FAM24B: variants seen among roughly 807,000 people sequenced by gnomAD.
FAM24B encodes the protein protein FAM24B.
A neutral mutation model predicts 2.3 loss-of-function variants in FAM24B; 3 were observed. That is an observed-to-expected ratio of 1.29 (90% CI 0.59 to 3.32). FAM24B has a LOEUF of 3.32. FAM24B is among the 30% of genes most tolerant of loss of function. The pLI, the probability that FAM24B is intolerant of heterozygous loss-of-function variation, is 0.03. For missense variants in FAM24B, 98 were observed against 117.2 expected, an observed-to-expected ratio of 0.84 and a Z score of 0.76; for synonymous variants, 36 against 46.3, an observed-to-expected ratio of 0.78 and a Z score of 0.90.
In FAM24B at chr10:122,854,327, A is replaced by G. The variant is rs75063922; in HGVS notation, c.-36+1318T>C. 4.4e-3 allele frequency among the ~76,000 whole-genome samples: 668 copies of G among 152,320 alleles called. 6 individuals carry two copies. The highest frequency in any genetic ancestry group is 0.016 in the African/African-American group (652 of 41,570). On this transcript the variant is annotated intron_variant, in intron 2 of 3. Transcript: ENST00000368898. ...TCTGTTTGAAAGATGAGGAAACTAA[A>G]GCTCAGAGAGTGGAAGTGACTCCCT...
chr10:122,871,211 T>C (rs1847893325), intron 1 of FAM24B, among the ~76,000 whole-genome samples: 1 of 151,636 alleles, frequency 6.6e-6, no homozygotes, highest in East Asian at 1.9e-4. Context: ...ATAAAATACC[T>C]AGGAATCCAA....
rs1356941806 is a variant in FAM24B at position 122,869,735 on chromosome 10, A to T, written c.-178+9750T>A. Among the ~76,000 whole-genome samples the T allele has an allele frequency of 2.0e-5, 3 of 152,220 alleles. No individual in the cohort carries two copies. The East Asian group carries it at 5.8e-4, about 29-fold the overall frequency. ...GAAATAAAGAGGTTCTTTGAAACCAACGAGAACAAAGACACAGCATACCAG... is the reference window on the plus strand; with the variant it reads ...GAAATAAAGAGGTTCTTTGAAACCATCGAGAACAAAGACACAGCATACCAG... On this transcript the variant is annotated intron_variant, in intron 1 of 3. Transcript: ENST00000368898.
At chr10:122,879,263 T>C (rs1195477583) in intron 1 of FAM24B, among the ~76,000 whole-genome samples, 1 of 152,238 alleles carries the variant, frequency 6.6e-6, no homozygotes, top group Non-Finnish European at 1.5e-5. Context: ...CGCCGTTCAA[T>C]ATCTACCTCA....
At chr10:122,851,737 T>C (rs1195213209) in intron 2 of FAM24B, among the ~76,000 whole-genome samples, 2 of 151,608 alleles carry the variant, frequency 1.3e-5, no homozygotes, top group African/African-American at 4.9e-5. Flanking sequence ...CATAAAGGAG[T>C]GGGGGAGCAA....
At chr10:122,862,818 G>C (rs1847746399) in intron 1 of FAM24B, among the ~76,000 whole-genome samples, 1 of 151,890 alleles carries the variant, frequency 6.6e-6, no homozygotes, top group African/African-American at 2.4e-5. Flanking sequence ...TTTCTCTCCA[G>C]GTGTCCAAAT....
intron 1 of FAM24B, among the ~76,000 whole-genome samples, chr10:122,864,587 G>A (rs1044677524): frequency 6.6e-6 from 1 of 152,030 alleles, no homozygotes; most frequent in Non-Finnish European, 1.5e-5. Context: ...AACTAAGTTC[G>A]GTAATTTATA....
chr10:122,870,597 T>C (rs1266092856), intron 1 of FAM24B, among the ~76,000 whole-genome samples: 1 of 152,158 alleles, frequency 6.6e-6, no homozygotes, highest in Admixed American at 6.5e-5. Context: ...CATGATCCAG[T>C]GGGCTTCATC....
chr10:122,875,911 T>A (rs1407114401), intron 1 of FAM24B, among the ~76,000 whole-genome samples: 1 of 152,162 alleles, frequency 6.6e-6, no homozygotes, highest in African/African-American at 2.4e-5. Flanking sequence ...ATGCTTCAAG[T>A]GAGCATGCAT....
chr10:122,874,125 T>G (rs1847942935), intron 1 of FAM24B, among the ~76,000 whole-genome samples: 1 of 152,168 alleles, frequency 6.6e-6, no homozygotes, highest in Admixed American at 6.5e-5. Context: ...ACCAATTAGA[T>G]CCAGTGGACA....
chr10:122,867,506 C>T (rs1306306227), intron 1 of FAM24B, among the ~76,000 whole-genome samples: 1 of 152,340 alleles, frequency 6.6e-6, no homozygotes, highest in African/African-American at 2.4e-5. Flanking sequence ...AAGTGGGTCC[C>T]TGACCCCTGA....
chr10:122,869,327 T>A (rs1847853799), intron 1 of FAM24B, among the ~76,000 whole-genome samples: 1 of 152,040 alleles, frequency 6.6e-6, no homozygotes, highest in Admixed American at 6.5e-5. Context: ...TCCCACACAA[T>A]AATAATGGGA....
At chr10:122,861,882 T>A (rs1025543637) in intron 1 of FAM24B, among the ~76,000 whole-genome samples, 2 of 152,134 alleles carry the variant, frequency 1.3e-5, no homozygotes, top group Non-Finnish European at 2.9e-5. Flanking sequence ...GACCTTAGGG[T>A]AAAATCCAAA....
At chr10:122,866,024 T>C (rs565405266) in intron 1 of FAM24B, among the ~76,000 whole-genome samples, 6 of 151,902 alleles carry the variant, frequency 3.9e-5, no homozygotes, top group African/African-American at 1.2e-4. Flanking sequence ...TGCCCTAGCC[T>C]CCCGAGTAGC....
intron 2 of FAM24B, among the ~76,000 whole-genome samples, chr10:122,852,136 C>T (rs993088355): frequency 3.9e-5 from 6 of 152,180 alleles, no homozygotes; most frequent in Non-Finnish European, 8.8e-5. Flanking sequence ...TCATCATTCC[C>T]ATCCTCACAA....
At chr10:122,853,513 C>A (rs1847577997) in intron 2 of FAM24B, among the ~76,000 whole-genome samples, 1 of 152,152 alleles carries the variant, frequency 6.6e-6, no homozygotes, top group African/African-American at 2.4e-5. Context: ...ATAAAACCTT[C>A]ACTGATTTCC....
chr10:122,869,434 C>A (rs548921449), intron 1 of FAM24B, among the ~76,000 whole-genome samples: 1 of 152,190 alleles, frequency 6.6e-6, no homozygotes. Flanking sequence ...CCAAGTGGAC[C>A]TAACAGACAT....
intron 1 of FAM24B, among the ~76,000 whole-genome samples, chr10:122,865,268 T>C (rs373205933): frequency 2.0e-5 from 3 of 152,248 alleles, no homozygotes; most frequent in East Asian, 1.9e-4. Context: ...ATGTTCTTTA[T>C]TAACCTGAAG....
intron 1 of FAM24B, among the ~76,000 whole-genome samples, chr10:122,864,068 C>T (rs1447068676): frequency 6.6e-6 from 1 of 152,078 alleles, no homozygotes; most frequent in Non-Finnish European, 1.5e-5. Flanking sequence ...CAAAACAACA[C>T]ATGAAAAACA....
At chr10:122,870,152 A>C (rs564706366) in intron 1 of FAM24B, among the ~76,000 whole-genome samples, 2 of 152,320 alleles carry the variant, frequency 1.3e-5, no homozygotes, top group South Asian at 4.2e-4. Context: ...AGAATACTAT[A>C]AACACCTCTA....
Sources: allele counts gnomAD v4.1 joint callset (sites outside exome capture counted in the v4.1 genomes callset), GRCh38; gene constraint gnomAD v4.1.1; transcripts MANE v1.5; gene names NCBI Gene and HGNC (gene_info 2026-07-23, HGNC 2026-07-21).